The following HIRA variants were observed in gnomAD, a reference collection of about 807,000 sequenced individuals.
The protein encoded by HIRA is histone cell cycle regulator, also known as protein HIRA.
HIRA carries 13 observed loss-of-function variants against 126.6 expected under a neutral mutation model. The observed-to-expected ratio is 0.10, with a 90% CI of 0.07 to 0.16. The LOEUF (loss-of-function observed/expected upper bound fraction) is 0.16, where lower values mean the gene tolerates loss of function less well. Ranked by LOEUF, HIRA falls within the 10% of genes least tolerant of loss-of-function variation. The pLI is 1.00. For missense variants in HIRA, 834 were observed against 1,314.4 expected (o/e 0.63, Z 5.65); for synonymous variants, 511 against 520.0 (o/e 0.98, Z 0.24).
intron 24 of HIRA, among the ~76,000 whole-genome samples, chr22:19,348,258 A>T (rs1425119258): frequency 6.6e-6 from 1 of 152,176 alleles, no homozygotes; most frequent in Admixed American, 6.5e-5. Context: ...TCTACAATAA[A>T]TTTTTCAAAT....
At chr22:19,369,095 C>T (rs1015843314) in intron 15 of HIRA, among the ~76,000 whole-genome samples, 1 of 152,134 alleles carries the variant, frequency 6.6e-6, no homozygotes, top group Admixed American at 6.5e-5. Context: ...GCACAGCTGG[C>T]CAGGGCTGCC....
At chr22:19,386,438 A>G (rs549635835) in intron 11 of HIRA, among the ~76,000 whole-genome samples, 59 of 152,364 alleles carry the variant, frequency 3.9e-4, no homozygotes, top group African/African-American at 1.4e-3. Flanking sequence ...CAAATGTCCA[A>G]TGTGGGATTC....
chr22:19,361,215 C>G (rs776699984), intron 17 of HIRA, 22 bp downstream of exon 17: 46 of 1,571,158 alleles, frequency 2.9e-5, no homozygotes, highest in Non-Finnish European at 3.9e-5. Context: ...TGAGGGAGAA[C>G]TGGCAGGGTC....
chr22:19,335,774 C>A (rs2088561110), intron 24 of HIRA, among the ~76,000 whole-genome samples: 1 of 152,118 alleles, frequency 6.6e-6, no homozygotes, highest in African/African-American at 2.4e-5. Context: ...TCATAATAAA[C>A]CCAAATATCT....
At position 19,366,656 on chromosome 22, in the gene HIRA, T is replaced by C. The variant is rs138859745; in HGVS notation, c.1776-4725A>G. On this transcript the variant is annotated intron_variant, in intron 15 of 24. Coordinates refer to ENST00000263208, the MANE Select transcript of HIRA (RefSeq NM_003325.4). Reference sequence around the variant, plus strand: ...AAATTGCTGCAATCTCATAAAAAACTTGAACAAATGAGGAGGTGCTAGTTA... The same window carrying C: ...AAATTGCTGCAATCTCATAAAAAACCTGAACAAATGAGGAGGTGCTAGTTA... Among the ~76,000 whole-genome samples, 34 of 152,300 alleles carry C rather than the reference T, an allele frequency of 2.2e-4. No individual in the cohort carries two copies. The East Asian group carries it at 6.0e-3, about 27-fold the overall frequency.
chr22:19,349,993 T>A, intron 24 of HIRA, among the ~76,000 whole-genome samples: 1 of 145,664 alleles, frequency 6.9e-6, no homozygotes, highest in East Asian at 2.0e-4. Context: ...TTTTCTTTTC[T>A]TTTTTTTTTT....
In HIRA at chr22:19,363,846, C is replaced by T. The variant is rs548995291; in HGVS notation, c.1776-1915G>A. On this transcript the variant is annotated intron_variant, in intron 15 of 24. Coordinates refer to ENST00000263208, the MANE Select transcript of HIRA (RefSeq NM_003325.4). ...CTGGGAGGCGGAGGTTGCAGTGAGCCGAGATGCGACTGTGCCACCGCACTC... is the reference window on the plus strand; with the variant it reads ...CTGGGAGGCGGAGGTTGCAGTGAGCTGAGATGCGACTGTGCCACCGCACTC... 2.6e-5 allele frequency among the ~76,000 whole-genome samples: 4 copies of T among 151,982 alleles called. No homozygotes were observed. The South Asian group carries it at 8.3e-4, about 32-fold the overall frequency.
chr22:19,407,097 G>A, intron 4 of HIRA, 87 bp downstream of exon 4: 3 of 1,088,144 alleles, frequency 2.8e-6, no homozygotes, highest in Non-Finnish European at 4.2e-6. Flanking sequence ...GGGAACTTCA[G>A]TGACAGGGTA....
At chr22:19,430,518 C>T (rs372639640) in intron 1 of HIRA, among the ~76,000 whole-genome samples, 68 of 152,014 alleles carry the variant, frequency 4.5e-4, no homozygotes, top group African/African-American at 1.5e-3. Flanking sequence ...AAATGAGGAA[C>T]AAGACAGCAT....
At chr22:19,391,148 T>C (rs565814622) in intron 9 of HIRA, among the ~76,000 whole-genome samples, 7 of 152,188 alleles carry the variant, frequency 4.6e-5, no homozygotes, top group African/African-American at 1.7e-4. Context: ...TACAGTGGAA[T>C]GCTACACCGA....
intron 15 of HIRA, among the ~76,000 whole-genome samples, chr22:19,372,835 G>A (rs551226187): frequency 4.2e-4 from 64 of 152,216 alleles, no homozygotes; most frequent in Non-Finnish European, 1.9e-4. Flanking sequence ...GCCTCCCAAA[G>A]TGCTAGGATT....
At chr22:19,419,726 T>G (rs968721170) in intron 1 of HIRA, among the ~76,000 whole-genome samples, 55 of 152,316 alleles carry the variant, frequency 3.6e-4, no homozygotes, top group Middle Eastern at 3.4e-3. Context: ...CTTGTTGCTG[T>G]TGAATGGCTG....
intron 5 of HIRA, 40 bp downstream of exon 5, chr22:19,405,746 T>G (rs1601849428): frequency 7.6e-7 from 1 of 1,313,396 alleles, no homozygotes; most frequent in Non-Finnish European, 1.0e-6. Flanking sequence ...CTGAGCCAGG[T>G]GTCAGGGGCC....
intron 7 of HIRA, 63 bp from the exon 8 acceptor site, chr22:19,394,572 T>G (rs2089207677): frequency 2.0e-6 from 3 of 1,537,022 alleles, no homozygotes; most frequent in Non-Finnish European, 2.7e-6. Context: ...AACTCTGGCC[T>G]CGAGGATAAA....
In HIRA at chr22:19,381,535, A is replaced by G. The variant is rs1373092416; in HGVS notation, c.1415+2085T>C. Among the ~76,000 whole-genome samples, 3 of 152,264 alleles carry G rather than the reference A, an allele frequency of 2.0e-5. No individual in the cohort carries two copies. The East Asian group carries it at 5.8e-4, about 29-fold the overall frequency. The stretch of plus-strand genomic sequence containing the variant: ...AACGCCTATTAAGCATCGATGAGAG[A>G]TCATATAATTTTTTTTCTTTTGATC... On this transcript the variant is annotated intron_variant, in intron 13 of 24. Coordinates refer to ENST00000263208, the MANE Select transcript of HIRA (RefSeq NM_003325.4).
chr22:19,426,850 T>C (rs2089492232), intron 1 of HIRA, among the ~76,000 whole-genome samples: 1 of 152,208 alleles, frequency 6.6e-6, no homozygotes, highest in Admixed American at 6.5e-5. Flanking sequence ...GAATTTGCAT[T>C]TTCTGAGCTA....
chr22:19,416,399 C>CT (rs1385132685), intron 1 of HIRA, among the ~76,000 whole-genome samples: 1 of 152,076 alleles, frequency 6.6e-6, no homozygotes, highest in Non-Finnish European at 1.5e-5. Flanking sequence ...TCTTGGCCCA[C>CT]TGCAGCCTCA....
At chr22:19,423,715 T>C (rs557271467) in intron 1 of HIRA, among the ~76,000 whole-genome samples, 13 of 152,316 alleles carry the variant, frequency 8.5e-5, no homozygotes, top group African/African-American at 1.4e-4. Context: ...TCCCAGGGAA[T>C]TGGCCTACCC....
At chr22:19,346,220 A>T (rs1049420435) in intron 24 of HIRA, among the ~76,000 whole-genome samples, 1 of 152,164 alleles carries the variant, frequency 6.6e-6, no homozygotes, top group African/African-American at 2.4e-5. Context: ...TCTCACCATA[A>T]ATGTTGATAA....
Sources: gnomAD v4.1 joint callset for allele counts (sites outside exome capture counted in the v4.1 genomes callset) on GRCh38, gnomAD v4.1.1 for gene constraint, MANE v1.5 for transcripts, NCBI Gene and HGNC (gene_info 2026-07-23, HGNC 2026-07-21) for gene names.